The following AATF variants were observed in gnomAD, a reference collection of about 807,000 sequenced individuals.
The protein encoded by AATF is apoptosis antagonizing transcription factor, also known as protein AATF.
AATF carries 48 observed loss-of-function variants against 63.7 expected under a neutral mutation model. The ratio of observed to expected loss-of-function variants is 0.75; its 90% CI spans 0.60 to 0.96. The LOEUF (loss-of-function observed/expected upper bound fraction) is 0.96. Ranked by LOEUF, AATF falls within the 40% of genes least tolerant of loss-of-function variation. The pLI is 0.00. For synonymous variants in AATF, 258 were observed against 247.7 expected (o/e 1.04, Z -0.39); for missense variants, 639 against 685.7 (o/e 0.93, Z 0.76).
chr17:37,007,287 A>G (rs1430105762), intron 8 of AATF, among the ~76,000 whole-genome samples: 1 of 151,878 alleles, frequency 6.6e-6, no homozygotes, highest in Non-Finnish European at 1.5e-5. Flanking sequence ...TGCTGTGTTC[A>G]AGCTATCTTT....
chr17:36,966,360 G>A (rs1330361072), intron 4 of AATF, among the ~76,000 whole-genome samples: 1 of 151,894 alleles, frequency 6.6e-6, no homozygotes, highest in Non-Finnish European at 1.5e-5. Context: ...AGACTCCTGG[G>A]CTCAAGTGAT....
At chr17:36,996,496 G>A (rs187410057) in intron 8 of AATF, among the ~76,000 whole-genome samples, 1,544 of 152,194 alleles carry the variant, frequency 0.01, 18 homozygotes, top group Middle Eastern at 0.031. Flanking sequence ...GGTTTCTTGG[G>A]GCATAGTAAT....
intron 4 of AATF, among the ~76,000 whole-genome samples, chr17:36,983,927 C>T (rs1326636541): frequency 1.3e-5 from 2 of 152,100 alleles, no homozygotes; most frequent in Non-Finnish European, 2.9e-5. Flanking sequence ...AGATGGCTCT[C>T]TCAGGTAGGT....
chr17:37,047,894 C>G (rs1448319533), intron 11 of AATF, among the ~76,000 whole-genome samples: 1 of 152,288 alleles, frequency 6.6e-6, no homozygotes, highest in African/African-American at 2.4e-5. Context: ...AGAGTTTCAG[C>G]TAGTGTCGGA....
intron 6 of AATF, 31 bp downstream of exon 6, chr17:36,988,751 A>G (rs778391369): frequency 1.3e-6 from 2 of 1,598,550 alleles, no homozygotes; most frequent in Non-Finnish European, 1.7e-6. Flanking sequence ...ATGTATGTGT[A>G]AGATAGGTTG....
Position 36,989,235 on chromosome 17 carries a change from ATGT to A in AATF, c.1150-6_1150-4del, listed in dbSNP as rs747038638. 1.9e-6 allele frequency: 3 copies of A among 1,608,956 alleles called. No individual in the cohort carries two copies. Among genetic ancestry groups the A allele is most frequent in the South Asian group, 1.1e-5 (1 of 90,472 alleles). On this transcript the variant is annotated splice_polypyrimidine_tract_variant and intron_variant, in intron 6 of 11. Coordinates refer to ENST00000619387, the MANE Select transcript of AATF (RefSeq NM_012138.4). ...TTTCTGCATTATCTGACACTGCTTA[ATGT>A]TGTTGCAGGGTTTTGGTGCCTTTGA...
intron 10 of AATF, among the ~76,000 whole-genome samples, chr17:37,031,076 G>A: frequency 6.6e-6 from 1 of 152,088 alleles, no homozygotes; most frequent in Non-Finnish European, 1.5e-5. Context: ...TTCTCCTGTA[G>A]CATTAGGGAA....
At chr17:36,987,601 T>C (rs1255084493) in intron 5 of AATF, among the ~76,000 whole-genome samples, 1 of 152,232 alleles carries the variant, frequency 6.6e-6, no homozygotes, top group African/African-American at 2.4e-5. Flanking sequence ...GAAACTCACA[T>C]TTATTGAGCA....
intron 4 of AATF, chr17:36,980,443 C>T (rs1395786887): frequency 1.3e-5 from 2 of 152,268 alleles, no homozygotes; most frequent in East Asian, 1.9e-4. Flanking sequence ...GTTTTGTGGC[C>T]ATGTGCCAAG....
In AATF at chr17:37,021,666, G is replaced by A. The variant is rs1435649899; in HGVS notation, c.1547+652G>A. ...AATAAATACAAAAAATTAGCCGGGCGTAGTGGCGGGCGCCTGTAGTCCCAG... is the reference window on the plus strand; with the variant it reads ...AATAAATACAAAAAATTAGCCGGGCATAGTGGCGGGCGCCTGTAGTCCCAG... On this transcript the variant is annotated intron_variant, in intron 10 of 11. Coordinates refer to ENST00000619387, the MANE Select transcript of AATF (RefSeq NM_012138.4). Among the ~76,000 whole-genome samples the A allele has an allele frequency of 6.0e-5, 5 of 82,824 alleles. 2 individuals are homozygous for A. The African/African-American group carries it at 7.5e-4, about 12-fold the overall frequency. 54.3% of individuals were successfully genotyped at this position (82,824 alleles called of 152,430 possible).
intron 8 of AATF, among the ~76,000 whole-genome samples, chr17:37,003,572 T>C (rs2071318707): frequency 6.8e-6 from 1 of 147,586 alleles, no homozygotes; most frequent in East Asian, 2.0e-4. Flanking sequence ...GCTCAAGTGA[T>C]CCTCCCACCT....
At chr17:37,039,002 T>C (rs1032386435) in intron 11 of AATF, among the ~76,000 whole-genome samples, 1 of 152,216 alleles carries the variant, frequency 6.6e-6, no homozygotes, top group African/African-American at 2.4e-5. Flanking sequence ...TTGCCATTTT[T>C]GTGTATGGGT....
chr17:37,028,388 C>G (rs950553000), intron 10 of AATF, among the ~76,000 whole-genome samples: 13 of 151,926 alleles, frequency 8.6e-5, no homozygotes, highest in African/African-American at 2.7e-4. Context: ...GAGCCGTGAT[C>G]GCACACTGCA....
chr17:37,027,662 T>G (rs1299525609), intron 10 of AATF, among the ~76,000 whole-genome samples: 1 of 152,204 alleles, frequency 6.6e-6, no homozygotes, highest in Non-Finnish European at 1.5e-5. Flanking sequence ...TATAAAAATA[T>G]TATTTCAACA....
At chr17:36,996,124 G>A (rs1226399601) in intron 8 of AATF, among the ~76,000 whole-genome samples, 2 of 152,134 alleles carry the variant, frequency 1.3e-5, no homozygotes, top group African/African-American at 2.4e-5. Flanking sequence ...GAGAACATAT[G>A]TATGAAGTAC....
intron 8 of AATF, among the ~76,000 whole-genome samples, chr17:36,993,714 T>A (rs1370325148): frequency 1.3e-5 from 2 of 152,190 alleles, no homozygotes; most frequent in African/African-American, 4.8e-5. Context: ...CCCCCTTTTT[T>A]AAAACCATAC....
chr17:37,021,753 C>G (rs2071472298), intron 10 of AATF, among the ~76,000 whole-genome samples: 1 of 86,226 alleles, frequency 1.2e-5, no homozygotes, highest in Non-Finnish European at 2.0e-5. Context: ...TGCAGTGAGC[C>G]GAGATCGCGC....
chr17:36,973,628 A>G (rs1246284588), intron 4 of AATF, among the ~76,000 whole-genome samples: 2 of 152,236 alleles, frequency 1.3e-5, no homozygotes, highest in East Asian at 3.9e-4. Context: ...ATACTGTTTC[A>G]TTCACTAAGA....
chr17:37,021,187 G>A (rs866792078), intron 10 of AATF, 173 bp downstream of exon 10: 27 of 505,988 alleles, frequency 5.3e-5, no homozygotes, highest in African/African-American at 4.8e-4. Context: ...TTCTAAAATG[G>A]AAATATAGTT....
Sources: gnomAD v4.1 joint callset for allele counts (sites outside exome capture counted in the v4.1 genomes callset) on GRCh38, gnomAD v4.1.1 for gene constraint, MANE v1.5 for transcripts, NCBI Gene and HGNC (gene_info 2026-07-23, HGNC 2026-07-21) for gene names.